Variants in OR10A6 observed in about 807,000 individuals in gnomAD.
The protein encoded by OR10A6 is olfactory receptor 10A6.
OR10A6 carries 2 observed loss-of-function variants against 1.5 expected under a neutral mutation model. That is an observed-to-expected ratio of 1.31 (90% CI 0.54 to 4.13). The LOEUF (loss-of-function observed/expected upper bound fraction) is 4.13. Among genes scored for constraint, OR10A6 ranks in the 30% most tolerant of loss-of-function variants. The probability of loss-of-function intolerance (pLI) is 0.07; values close to 1 mark genes in which losing one functional copy is unlikely to be tolerated. For synonymous variants in OR10A6, 169 were observed against 137.3 expected (o/e 1.23, Z -1.61); for missense variants, 492 against 368.6 (o/e 1.33, Z -2.74).
Position 7,927,792 on chromosome 11 carries a change from T to C in OR10A6, c.871A>G (p.Ser291Gly), listed in dbSNP as rs745501448. ...LTPLLNLLIYSLRNSEMKRAL... is the reference protein window; with the variant it reads ...LTPLLNLLIYGLRNSEMKRAL... ...CTCTTCATCTCACTATTTCGCAAAC[T>C]GTAGATAAGCAGATTCAGCAGTGGT... Residue 291 changes from serine (S) to glycine (G), a missense_variant, in exon 4 of 4, where the codon AGT becomes GGT. Transcript: ENST00000641238. The C allele has an allele frequency of 1.5e-5, 25 of 1,613,962 alleles. No individual in the cohort carries two copies. The highest frequency in any genetic ancestry group is 2.1e-5 in the Non-Finnish European group (25 of 1,179,930).
rs933914348 is a variant in OR10A6, at chr11:7,926,781, A to G, written c.*937T>C. 3.3e-5 allele frequency: 5 copies of G among 152,198 alleles called. No homozygotes were observed. Among genetic ancestry groups the G allele is most frequent in the Non-Finnish European group, 7.4e-5 (5 of 68,024 alleles). The allele number at this position is 152,198 out of a possible 1,614,324, so 9.4% of individuals were successfully genotyped here. The stretch of plus-strand genomic sequence containing the variant: ...GTCTAATTATTCATCTTTATATATA[A>G]CTAGAAAGACTATTATGTGATTATT... On this transcript the variant is annotated 3_prime_UTR_variant, in exon 4 of 4. Coordinates refer to ENST00000641238, the MANE Select transcript of OR10A6 (RefSeq NM_001004461.2).
chr11:7,928,450 C>G lies in OR10A6; in HGVS notation c.213G>C (p.Leu71=), dbSNP rs930280829. The G allele has an allele frequency of 6.2e-7, 1 of 1,613,810 alleles. No individual in the cohort carries two copies. The highest frequency in any genetic ancestry group is 8.5e-7 in the Non-Finnish European group (1 of 1,179,836). The part of the protein sequence containing the change: ...LFLLNLSVVD[L]SFSAVIMPEM... ...CAGGCATAATAACTGCACTGAAACT[C>G]AGGTCCACCACAGATAAGTTCAGGA... The change falls in exon 4 of 4, where the codon CTG becomes CTC. Residue 71 remains leucine (L), a synonymous_variant. Transcript: ENST00000641238.
chr11:7,928,944 A>G lies in OR10A6; in HGVS notation c.-282T>C, dbSNP rs1260131508. On this transcript the variant is annotated 5_prime_UTR_variant, in exon 4 of 4. Coordinates refer to ENST00000641238, the MANE Select transcript of OR10A6 (RefSeq NM_001004461.2). ...TTATTTGAAAATTAAACATAGCCTT[A>G]ATGGAAATATAAATACTTTATACCT... The G allele has an allele frequency of 3.1e-6, 1 of 322,868 alleles. No homozygotes were observed. Among genetic ancestry groups the G allele is most frequent in the African/African-American group, 2.1e-5 (1 of 46,942 alleles). The allele number at this position is 322,868 out of a possible 1,614,324, so 20.0% of individuals were successfully genotyped here.
Position 7,930,360 on chromosome 11 carries a change from A to T in OR10A6, c.-1698T>A, listed in dbSNP as rs954722950. 6.6e-6 allele frequency: 1 copy of T among 151,978 alleles called. No homozygotes were observed. The highest frequency in any genetic ancestry group is 2.4e-5 in the African/African-American group (1 of 41,372). The allele number at this position is 151,978 out of a possible 1,614,324, so 9.4% of individuals were successfully genotyped here. On this transcript the variant is annotated 5_prime_UTR_variant, in exon 4 of 4. Coordinates refer to ENST00000641238, the MANE Select transcript of OR10A6 (RefSeq NM_001004461.2). ...GGAAAACTGACTTGCTCAAGTCAGG[A>T]GGCACTTGGTGACACCATAAAACTA...
rs371563903 is a variant in OR10A6 at position 7,928,012 on chromosome 11, A to G, written c.651T>C (p.Ser217=). 9 of 1,613,998 alleles carry G rather than the reference A, an allele frequency of 5.6e-6. No individual in the cohort carries two copies. The African/African-American group carries it at 1.1e-4, about 19-fold the overall frequency. ...ILVPFLLILL[S]YIRVLFAILK... Reference sequence around the variant, plus strand: ...GGATGGCAAACAGAACTCGAATGTAAGACAAGAGTATCAACAAGAAAGGAA... The same window carrying G: ...GGATGGCAAACAGAACTCGAATGTAGGACAAGAGTATCAACAAGAAAGGAA... Residue 217 remains serine, a synonymous_variant, in exon 4 of 4, where the codon TCT becomes TCC. Coordinates refer to ENST00000641238, the MANE Select transcript of OR10A6 (RefSeq NM_001004461.2).
In OR10A6 at chr11:7,927,462, A is replaced by G. The variant is rs1467666441; in HGVS notation, c.*256T>C. The G allele has an allele frequency of 2.7e-6, 1 of 367,728 alleles. No homozygotes were observed. Among genetic ancestry groups the G allele is most frequent in the South Asian group, 1.2e-4 (1 of 8,268 alleles). The allele number at this position is 367,728 out of a possible 1,614,324, so 22.8% of individuals were successfully genotyped here. On this transcript the variant is annotated 3_prime_UTR_variant, in exon 4 of 4. Coordinates refer to ENST00000641238, the MANE Select transcript of OR10A6 (RefSeq NM_001004461.2). Reference sequence around the variant, plus strand: ...TAGTATTATCTATTGTGACAAAAAAATAACCATCAGTAGGGCTACTACTAA... The same window carrying G: ...TAGTATTATCTATTGTGACAAAAAAGTAACCATCAGTAGGGCTACTACTAA...
Position 7,928,831 on chromosome 11 carries a change from T to C in OR10A6, c.-169A>G, listed in dbSNP as rs1859471208. 2.4e-6 allele frequency: 1 copy of C among 419,978 alleles called. No homozygotes were observed. Among genetic ancestry groups the C allele is most frequent in the Admixed American group, 4.0e-5 (1 of 24,734 alleles). 26.0% of individuals were successfully genotyped at this position (419,978 alleles called of 1,614,324 possible). A position where few individuals can be genotyped will look rare whatever the true frequency, so the allele number is the denominator to read the frequency against. ...TTGGCAATTTTAGACAATGACCAAA[T>C]ACTTGGATTATATTCCAAATATAAA... On this transcript the variant is annotated 5_prime_UTR_variant, in exon 4 of 4. Coordinates refer to ENST00000641238, the MANE Select transcript of OR10A6 (RefSeq NM_001004461.2).
Position 7,925,633 on chromosome 11 carries a change from C to T in OR10A6, c.*2085G>A, listed in dbSNP as rs1247651186. On this transcript the variant is annotated 3_prime_UTR_variant, in exon 4 of 4. Transcript: ENST00000641238. ...ATGAACAAAATGAACTAAAGAATGG[C>T]TAAAAAGACTTTCTGTATTTAGCTT... 6.6e-6 allele frequency: 1 copy of T among 152,054 alleles called. No individual in the cohort carries two copies. Among genetic ancestry groups the T allele is most frequent in the Non-Finnish European group, 1.5e-5 (1 of 68,006 alleles). 9.4% of individuals were successfully genotyped at this position (152,054 alleles called of 1,614,324 possible). A position where few individuals can be genotyped will look rare whatever the true frequency, so the allele number is the denominator to read the frequency against.
rs146182428 is a variant in OR10A6, at chr11:7,930,860, C to G, written c.-1854+1G>C. The G allele has an allele frequency of 7.2e-5, 11 of 152,118 alleles. No individual in the cohort carries two copies. Among genetic ancestry groups the G allele is most frequent in the African/African-American group, 1.2e-4 (5 of 41,406 alleles). 9.4% of individuals were successfully genotyped at this position (152,118 alleles called of 1,614,324 possible). On this transcript the variant is annotated splice_donor_variant, in intron 3 of 3. Coordinates refer to ENST00000641238, the MANE Select transcript of OR10A6 (RefSeq NM_001004461.2). LOFTEE classifies it low-confidence loss of function (5UTR_SPLICE). ...ATAGATCACTGACAAGTAATACTTA[C>G]GCAGATCACTTCCTCCCCAAGGCTT... is the stretch of plus-strand genomic sequence containing the variant.
In OR10A6 at chr11:7,929,997, A is replaced by G. The variant is rs1174662721; in HGVS notation, c.-1335T>C. 3.6e-5 allele frequency: 1 copy of G among 27,630 alleles called. No individual in the cohort carries two copies. The highest frequency in any genetic ancestry group is 6.4e-5 in the Non-Finnish European group (1 of 15,724). 1.7% of individuals were successfully genotyped at this position (27,630 alleles called of 1,614,324 possible). The stretch of plus-strand genomic sequence containing the variant: ...ATATATATATATATATATATATAAA[A>G]TCCCTCACTAGAGCTTAGCTCCCAG... On this transcript the variant is annotated 5_prime_UTR_variant, in exon 4 of 4. Transcript: ENST00000641238.
chr11:7,925,775 C>T lies in OR10A6; in HGVS notation c.*1943G>A, dbSNP rs1236103546. 1 of 152,188 alleles carries T rather than the reference C, an allele frequency of 6.6e-6. No homozygotes were observed. The highest frequency in any genetic ancestry group is 2.4e-5 in the African/African-American group (1 of 41,446). The allele number at this position is 152,188 out of a possible 1,614,324, so 9.4% of individuals were successfully genotyped here. Reference sequence around the variant, plus strand: ...TCAAGAGATGGGATCCAATCAAAGGCTTTTGCTGAGGGCTGTTTGGTGCCC... The same window carrying T: ...TCAAGAGATGGGATCCAATCAAAGGTTTTTGCTGAGGGCTGTTTGGTGCCC... On this transcript the variant is annotated 3_prime_UTR_variant, in exon 4 of 4. Transcript: ENST00000641238.
Sources: gnomAD v4.1 joint callset for allele counts on GRCh38, gnomAD v4.1.1 for gene constraint, MANE v1.5 for transcripts, NCBI Gene and HGNC (gene_info 2026-07-23, HGNC 2026-07-21) for gene names.